Variants in PTPRE observed in about 807,000 individuals in gnomAD.
PTPRE encodes the protein protein tyrosine phosphatase receptor type E.
Under a neutral mutation model 102.0 loss-of-function variants are expected in PTPRE, and 51 were observed. That is an observed-to-expected ratio of 0.50 (90% CI 0.40 to 0.63). PTPRE has a LOEUF of 0.63. Among genes scored for constraint, PTPRE ranks in the 30% least tolerant of loss-of-function variants. The pLI, the probability that PTPRE is intolerant of heterozygous loss-of-function variation, is 0.00. For synonymous variants in PTPRE, 345 were observed against 348.2 expected, an observed-to-expected ratio of 0.99 and a Z score of 0.10; for missense variants, 752 against 915.1, an observed-to-expected ratio of 0.82 and a Z score of 2.30.
intron 8 of PTPRE, 55 bp downstream of exon 8, chr10:128,061,070 G>C: frequency 6.5e-7 from 1 of 1,545,800 alleles, no homozygotes; most frequent in Non-Finnish European, 8.9e-7. Flanking sequence ...TGAGCAGTAA[G>C]CACTTTCTTG....
In PTPRE at chr10:127,917,680, A is replaced by G. The variant is rs1484329096; in HGVS notation, c.-31+10371A>G. Among the ~76,000 whole-genome samples, 6 of 152,162 alleles carry G rather than the reference A, an allele frequency of 3.9e-5. No homozygotes were observed. The East Asian group carries it at 1.2e-3, about 30-fold the overall frequency. The stretch of plus-strand genomic sequence containing the variant: ...AACCTGTCTCAAAAAAATTTTTTTT[A>G]TTTTGAAAATTGGGTTACACTGTAC... On this transcript the variant is annotated intron_variant, in intron 1 of 20. Transcript: ENST00000254667.
At chr10:128,071,393 A>T (rs1850755505) in intron 15 of PTPRE, 1 of 170,546 alleles carries the variant, frequency 5.9e-6, no homozygotes, top group Admixed American at 5.6e-5. Context: ...CCTAGGGTAG[A>T]GTCAGGACAC....
At chr10:127,967,433 C>A (rs1304670369) in intron 1 of PTPRE, among the ~76,000 whole-genome samples, 1 of 152,088 alleles carries the variant, frequency 6.6e-6, no homozygotes, top group East Asian at 1.9e-4. Context: ...AATAAATTCT[C>A]ACGAGATCTG....
chr10:128,034,859 T>C (rs187217040), intron 2 of PTPRE, among the ~76,000 whole-genome samples: 1 of 152,336 alleles, frequency 6.6e-6, no homozygotes, highest in African/African-American at 2.4e-5. Context: ...TGAAACATAT[T>C]AGGAACAGAT....
intron 1 of PTPRE, among the ~76,000 whole-genome samples, chr10:127,953,813 T>A (rs1397532684): frequency 6.6e-6 from 1 of 152,110 alleles, no homozygotes; most frequent in East Asian, 1.9e-4. Flanking sequence ...TGAAGGGAAA[T>A]CTTCTCAATG....
chr10:128,022,085 G>C (rs1336262602), intron 2 of PTPRE, among the ~76,000 whole-genome samples: 1 of 152,230 alleles, frequency 6.6e-6, no homozygotes, highest in African/African-American at 2.4e-5. Context: ...TTGATTTTCT[G>C]ACACAGCCCA....
chr10:128,003,143 G>A (rs554907083), intron 2 of PTPRE, among the ~76,000 whole-genome samples: 33 of 152,192 alleles, frequency 2.2e-4, no homozygotes, highest in Non-Finnish European at 4.3e-4. Context: ...CTGACCTCGG[G>A]AGGTGACTTG....
At chr10:128,000,777 C>G (rs117746552) in intron 2 of PTPRE, among the ~76,000 whole-genome samples, 1,998 of 152,320 alleles carry the variant, frequency 0.013, 22 homozygotes, top group Non-Finnish European at 0.022. Context: ...CCTACAAGCT[C>G]TTGCACTGCA....
intron 10 of PTPRE, among the ~76,000 whole-genome samples, chr10:128,064,393 T>G (rs1459711946): frequency 6.6e-6 from 1 of 152,206 alleles, no homozygotes; most frequent in East Asian, 1.9e-4. Context: ...TGCTTTGTCA[T>G]GGGGAAGAGG....
rs371636693 is a variant in PTPRE, at chr10:127,931,260, CTT to C, written c.-31+23954_-31+23955del. On this transcript the variant is annotated intron_variant, in intron 1 of 20. Transcript: ENST00000254667. ...CTCCTTTAATAGTATCTGTTCAAAT[CTT>C]TTGCCTGTTTTTAAAATTGGGTTGT... Among the ~76,000 whole-genome samples, 1,241 of 152,176 alleles carry C rather than the reference CTT, an allele frequency of 8.2e-3. 16 individuals carry two copies. The highest frequency in any genetic ancestry group is 0.028 in the African/African-American group (1,151 of 41,494).
intron 1 of PTPRE, among the ~76,000 whole-genome samples, chr10:127,925,498 C>A (rs1404786264): frequency 6.6e-6 from 1 of 152,122 alleles, no homozygotes; most frequent in South Asian, 2.1e-4. Context: ...AGACGGCTAC[C>A]GCAGAGTTCT....
intron 1 of PTPRE, among the ~76,000 whole-genome samples, chr10:127,928,359 A>G (rs558773258): frequency 1.3e-5 from 2 of 152,342 alleles, no homozygotes; most frequent in South Asian, 4.1e-4. Context: ...TGCTATCAAC[A>G]GGCCTGTGTT....
intron 2 of PTPRE, among the ~76,000 whole-genome samples, chr10:127,983,258 T>G (rs1851791261): frequency 6.6e-6 from 1 of 152,230 alleles, no homozygotes; most frequent in Non-Finnish European, 1.5e-5. Context: ...CTTTCTTTCT[T>G]GATAAGGAAT....
chr10:128,071,078 C>T (rs529506971), intron 15 of PTPRE, 177 bp downstream of exon 15: 3 of 630,904 alleles, frequency 4.8e-6, no homozygotes, highest in Admixed American at 2.9e-5. Flanking sequence ...AGAAAAGACA[C>T]CTGTGAAGCA....
chr10:127,930,967 A>G (rs561722842), intron 1 of PTPRE, among the ~76,000 whole-genome samples: 30 of 151,682 alleles, frequency 2.0e-4, no homozygotes, highest in Non-Finnish European at 2.4e-4. Context: ...TAATTTTTGT[A>G]TTTTTAATAG....
chr10:127,947,847 G>C (rs1848735476), intron 1 of PTPRE, among the ~76,000 whole-genome samples: 1 of 152,184 alleles, frequency 6.6e-6, no homozygotes, highest in Admixed American at 6.5e-5. Context: ...GAGTCTCTGG[G>C]GTACAGGGAA....
intron 1 of PTPRE, among the ~76,000 whole-genome samples, chr10:127,954,563 G>T (rs373359825): frequency 6.6e-6 from 1 of 152,140 alleles, no homozygotes; most frequent in African/African-American, 2.4e-5. Flanking sequence ...GCTCATGCTC[G>T]TGGAATTCAC....
chr10:127,907,229 C>A lies in PTPRE; in HGVS notation c.-111C>A. The stretch of plus-strand genomic sequence containing the variant: ...GCCCGGCGAAGACAGCCGGGCGCCC[C>A]GGAGGGCGGCGGGCAGGCGCCCGGG... On this transcript the variant is annotated 5_prime_UTR_variant, in exon 1 of 21. Coordinates refer to ENST00000254667, the MANE Select transcript of PTPRE (RefSeq NM_006504.6). The surrounding 1 kb of genome is among the most constrained non-coding windows in gnomAD (Gnocchi z 4.8). The A allele has an allele frequency of 1.0e-6, 1 of 983,726 alleles. No individual in the cohort carries two copies. The highest frequency in any genetic ancestry group is 4.7e-5 in the South Asian group (1 of 21,272). 60.9% of individuals were successfully genotyped at this position (983,726 alleles called of 1,614,324 possible). A position where few individuals can be genotyped will look rare whatever the true frequency, so the allele number is the denominator to read the frequency against.
At chr10:127,946,319 G>A (rs990513614) in intron 1 of PTPRE, among the ~76,000 whole-genome samples, 10 of 152,176 alleles carry the variant, frequency 6.6e-5, no homozygotes, top group Admixed American at 2.6e-4. Flanking sequence ...CTATGTGGCC[G>A]ATCCTGCTCA....
Sources: allele counts gnomAD v4.1 joint callset (sites outside exome capture counted in the v4.1 genomes callset), GRCh38; gene constraint gnomAD v4.1.1; non-coding constraint Gnocchi (gnomAD v3.1); transcripts MANE v1.5; gene names NCBI Gene and HGNC (gene_info 2026-07-23, HGNC 2026-07-21).